The following EEF1AKMT2 variants were observed in gnomAD, a reference collection of about 807,000 sequenced individuals.
The protein encoded by EEF1AKMT2 is EEF1A lysine methyltransferase 2, also known as eukaryotic translation elongation factor 1 alpha lysine methyltransferase 2.
In EEF1AKMT2, 32 loss-of-function variants were observed where a neutral mutation model predicts 35.8. The observed-to-expected ratio is 0.89, with a 90% confidence interval of 0.67 to 1.20. The LOEUF (loss-of-function observed/expected upper bound fraction) is 1.20, where lower values mean the gene tolerates loss of function less well. Ranked by LOEUF, EEF1AKMT2 falls within the 50% of genes most tolerant of loss-of-function variation. The pLI, the probability that EEF1AKMT2 is intolerant of heterozygous loss-of-function variation, is 0.00. For missense variants in EEF1AKMT2, 330 were observed against 347.5 expected, an observed-to-expected ratio of 0.95 and a Z score of 0.40; for synonymous variants, 121 against 133.7, an observed-to-expected ratio of 0.91 and a Z score of 0.65.
intron 3 of EEF1AKMT2, among the ~76,000 whole-genome samples, chr10:124,778,846 T>C (rs1950511439): frequency 6.6e-6 from 1 of 151,654 alleles, no homozygotes; most frequent in South Asian, 2.1e-4. Context: ...CAATAAGTGA[T>C]AAAGAATGGA....
At position 124,762,391 on chromosome 10, in the gene EEF1AKMT2, C is replaced by T. The variant is rs1399202843; in HGVS notation, c.784G>A (p.Ala262Thr). 20 of 1,291,900 alleles carry T rather than the reference C, an allele frequency of 1.5e-5. No homozygotes were observed. The highest frequency in any genetic ancestry group is 1.9e-5 in the Non-Finnish European group (19 of 979,320). 80.0% of individuals were successfully genotyped at this position (1,291,900 alleles called of 1,614,324 possible). Residue 262 changes from alanine to threonine, a missense_variant, in exon 6 of 7, where the codon GCT becomes ACT. By Grantham distance (58) the Ala-to-Thr change is moderately conservative. Coordinates refer to ENST00000368836, the MANE Select transcript of EEF1AKMT2 (RefSeq NM_212554.4). Reference protein sequence around the residue: ...AETRFCHVVQAGLELLGSSDS... With the variant: ...AETRFCHVVQTGLELLGSSDS... Reference sequence around the variant, plus strand: ...CTTGAGCCCAGGAGTTCCAGACCAGCCTGGACAACATGGCAAAACCTCGTC... The same window carrying T: ...CTTGAGCCCAGGAGTTCCAGACCAGTCTGGACAACATGGCAAAACCTCGTC...
chr10:124,765,550 TTGTCAATACAAATA>T lies in EEF1AKMT2; in HGVS notation c.444_457del (p.His148GlnfsTer5). 1 of 1,613,990 alleles carries T rather than the reference TTGTCAATACAAATA, an allele frequency of 6.2e-7. No homozygotes were observed. The highest frequency in any genetic ancestry group is 1.7e-5 in the Admixed American group (1 of 60,026). ...AAGGCTTATGGCATCAAAAGTCCCT[TTGTCAATACAAATA>T]TGAAATCCAGACAGCTGTGTGGAGA... On this transcript the variant is annotated frameshift_variant, in exon 5 of 7. Transcript: ENST00000368836. LOFTEE classifies it high-confidence loss of function.
In EEF1AKMT2 at chr10:124,765,740, A is replaced by G. The variant is rs1313109561; in HGVS notation, c.400-132T>C. ...ATGGCATTTTACATATAATAAACAT[A>G]TTTTCAACTTTATAGCTAACTTTTA... On this transcript the variant is annotated intron_variant, in intron 4 of 6. Coordinates refer to ENST00000368836, the MANE Select transcript of EEF1AKMT2 (RefSeq NM_212554.4). The G allele has an allele frequency of 4.5e-6, 3 of 662,398 alleles. No individual in the cohort carries two copies. In the African/African-American group the frequency reaches 5.5e-5, roughly 12 times the overall value. 41.0% of individuals were successfully genotyped at this position (662,398 alleles called of 1,614,324 possible).
In EEF1AKMT2 at chr10:124,759,361, G is replaced by GA. The variant is rs1298599961; in HGVS notation, c.*1141dup. Reference sequence around the variant, plus strand: ...TAATAGAGGCAAGTCTTTGAGTAGGGAGATGGGGAAAAGTAATGAAGGATG... The same window carrying GA: ...TAATAGAGGCAAGTCTTTGAGTAGGGAAGATGGGGAAAAGTAATGAAGGATG... On this transcript the variant is annotated 3_prime_UTR_variant, in exon 7 of 7. Transcript: ENST00000368836. 2.0e-5 allele frequency: 3 copies of GA among 152,182 alleles called. No individual in the cohort carries two copies. The highest frequency in any genetic ancestry group is 7.2e-5 in the African/African-American group (3 of 41,440). 9.4% of individuals were successfully genotyped at this position (152,182 alleles called of 1,614,324 possible). A position where few individuals can be genotyped will look rare whatever the true frequency, so the allele number is the denominator to read the frequency against.
chr10:124,762,237 T>C, intron 6 of EEF1AKMT2, 63 bp downstream of exon 6: 1 of 1,042,350 alleles, frequency 9.6e-7, no homozygotes. Context: ...TTTCCTAAAC[T>C]ATGAAATAAA....
At chr10:124,772,235 T>C (rs1272450866) in intron 4 of EEF1AKMT2, among the ~76,000 whole-genome samples, 1 of 152,276 alleles carries the variant, frequency 6.6e-6, no homozygotes, top group East Asian at 1.9e-4. Flanking sequence ...TCTCTAGCTA[T>C]GTAACTCCTA....
At chr10:124,757,823 A>T (rs1011594547), downstream of EEF1AKMT2, 2 of 152,208 alleles carry the variant, frequency 1.3e-5, no homozygotes, top group African/African-American at 4.8e-5. Flanking sequence ...TCATTCAAGG[A>T]CAATTTGTAC....
chr10:124,770,465 G>A (rs907101873), intron 4 of EEF1AKMT2, among the ~76,000 whole-genome samples: 4 of 152,192 alleles, frequency 2.6e-5, no homozygotes, highest in Non-Finnish European at 4.4e-5. Flanking sequence ...AGCCATCATC[G>A]AAATCATGAG....
intron 3 of EEF1AKMT2, among the ~76,000 whole-genome samples, chr10:124,782,581 C>CAA (rs34882125): frequency 3.6e-3 from 224 of 62,066 alleles, no homozygotes; most frequent in Middle Eastern, 0.021. Context: ...GACTCCGTCT[C>CAA]AAAAAAAAAA....
intron 3 of EEF1AKMT2, among the ~76,000 whole-genome samples, chr10:124,775,740 T>A (rs184195996): frequency 5.9e-5 from 9 of 152,274 alleles, no homozygotes; most frequent in African/African-American, 2.2e-4. Context: ...ACAGGTAGAT[T>A]GCTCCCTTTA....
rs569341394 is a variant in EEF1AKMT2, at chr10:124,779,890, G to A, written c.292-5108C>T. Among the ~76,000 whole-genome samples, 19 of 149,426 alleles carry A rather than the reference G, an allele frequency of 1.3e-4. No homozygotes were observed. In the South Asian group the frequency reaches 4.0e-3, roughly 32 times the overall value. The stretch of plus-strand genomic sequence containing the variant: ...ATCCTGGCTAACAGAGTGAAACCCC[G>A]TCTCTACTAAAAAATACAAAAAATT... On this transcript the variant is annotated intron_variant, in intron 3 of 6. Coordinates refer to ENST00000368836, the MANE Select transcript of EEF1AKMT2 (RefSeq NM_212554.4).
intron 4 of EEF1AKMT2, among the ~76,000 whole-genome samples, chr10:124,769,245 T>C (rs1248751621): frequency 7.8e-5 from 1 of 12,878 alleles, no homozygotes; most frequent in African/African-American, 1.3e-4. Context: ...TATATATATA[T>C]ATATGTGTGT....
rs1950307117 is a variant in EEF1AKMT2, at chr10:124,758,808, G to A, written c.*1695C>T. On this transcript the variant is annotated 3_prime_UTR_variant, in exon 7 of 7. Transcript: ENST00000368836. ...AAGTTTCTACAGTTTAAGATCTCCT[G>A]TCTTGGTAAAATCAACACAATCTTC... The A allele has an allele frequency of 6.6e-6, 1 of 152,102 alleles. No homozygotes were observed. 9.4% of individuals were successfully genotyped at this position (152,102 alleles called of 1,614,324 possible). A position where few individuals can be genotyped will look rare whatever the true frequency, so the allele number is the denominator to read the frequency against.
intron 4 of EEF1AKMT2, among the ~76,000 whole-genome samples, chr10:124,767,091 G>A (rs1385854041): frequency 2.7e-5 from 4 of 147,048 alleles, no homozygotes; most frequent in African/African-American, 1.0e-4. Flanking sequence ...AACCCGGGAG[G>A]CAGAGCTTGC....
intron 5 of EEF1AKMT2, among the ~76,000 whole-genome samples, chr10:124,763,354 C>T (rs1950349051): frequency 6.6e-6 from 1 of 152,094 alleles, no homozygotes; most frequent in African/African-American, 2.4e-5. Context: ...ATTTTATGAA[C>T]ATTTATAGTT....
chr10:124,771,927 T>C (rs1402829972), intron 4 of EEF1AKMT2, among the ~76,000 whole-genome samples: 4 of 152,190 alleles, frequency 2.6e-5, no homozygotes, highest in Admixed American at 2.0e-4. Flanking sequence ...GGTGAATTCA[T>C]GCATTGTCAA....
At chr10:124,774,096 G>C (rs752639728) in intron 4 of EEF1AKMT2, among the ~76,000 whole-genome samples, 1 of 152,036 alleles carries the variant, frequency 6.6e-6, no homozygotes, top group Non-Finnish European at 1.5e-5. Context: ...GGCAGGGCGC[G>C]GTGGCTCACG....
chr10:124,768,086 C>G (rs1185008369), intron 4 of EEF1AKMT2, among the ~76,000 whole-genome samples: 1 of 152,084 alleles, frequency 6.6e-6, no homozygotes, highest in Admixed American at 6.5e-5. Flanking sequence ...AGATCTGGGG[C>G]AAGAATACTC....
chr10:124,757,405 T>TAC (rs1336424533), downstream of EEF1AKMT2, among the ~76,000 whole-genome samples: 1 of 151,128 alleles, frequency 6.6e-6, no homozygotes, highest in Non-Finnish European at 1.5e-5. Context: ...CACACACACA[T>TAC]ACACACACAC....
Sources: allele counts gnomAD v4.1 joint callset (sites outside exome capture counted in the v4.1 genomes callset), GRCh38; gene constraint gnomAD v4.1.1; transcripts MANE v1.5; gene names NCBI Gene and HGNC (gene_info 2026-07-23, HGNC 2026-07-21).